The following MKLN1 variants were observed in gnomAD, a reference collection of about 807,000 sequenced individuals.
MKLN1 encodes muskelin.
MKLN1 carries 18 observed loss-of-function variants against 99.0 expected under a neutral mutation model. The observed-to-expected ratio is 0.18, with a 90% CI of 0.13 to 0.27. The LOEUF (loss-of-function observed/expected upper bound fraction) is 0.27, where lower values mean the gene tolerates loss of function less well. Among genes scored for constraint, MKLN1 ranks in the 10% least tolerant of loss-of-function variants. The pLI is 1.00. For synonymous variants in MKLN1, 288 were observed against 293.2 expected (o/e 0.98, Z 0.18); for missense variants, 621 against 875.9 (o/e 0.71, Z 3.67).
chr7:131,291,902 C>T (rs1434507986), intron 3 of MKLN1, among the ~76,000 whole-genome samples: 2 of 151,908 alleles, frequency 1.3e-5, no homozygotes, highest in South Asian at 2.1e-4. Flanking sequence ...ACCAGGAGTT[C>T]GAGACCAGTC....
At chr7:131,291,676 T>G (rs76355491) in intron 3 of MKLN1, among the ~76,000 whole-genome samples, 3,928 of 149,440 alleles carry the variant, frequency 0.026, 158 homozygotes, top group African/African-American at 0.091. Context: ...GGAATGATGA[T>G]GCGACTTTTC....
intron 6 of MKLN1, among the ~76,000 whole-genome samples, chr7:131,400,492 C>G (rs558908845): frequency 7.2e-6 from 1 of 138,646 alleles, no homozygotes; most frequent in East Asian, 2.0e-4. Flanking sequence ...TCTTAACAGA[C>G]TTTAAAATGC....
chr7:131,227,386 TTTC>T (rs1176105575), intron 3 of MKLN1, among the ~76,000 whole-genome samples: 2 of 151,694 alleles, frequency 1.3e-5, no homozygotes, highest in African/African-American at 2.4e-5. Context: ...CTTTCTTTTT[TTTC>T]TTTCTTTCTC....
At chr7:131,465,678 A>G (rs972557809) in intron 14 of MKLN1, among the ~76,000 whole-genome samples, 2 of 151,994 alleles carry the variant, frequency 1.3e-5, no homozygotes, top group Non-Finnish European at 2.9e-5. Flanking sequence ...AGCTGGGACT[A>G]CAGGCGCCCG....
chr7:131,146,479 T>A (rs535182399), intron 2 of MKLN1, among the ~76,000 whole-genome samples: 6 of 152,352 alleles, frequency 3.9e-5, no homozygotes, highest in Non-Finnish European at 8.8e-5. Context: ...GATGATTCTA[T>A]AGTACATAGA....
rs1797445787 is a variant in MKLN1, at chr7:131,492,337, T to G, written c.*4609T>G. On this transcript the variant is annotated 3_prime_UTR_variant, in exon 18 of 18. Coordinates refer to ENST00000352689, the MANE Select transcript of MKLN1 (RefSeq NM_013255.5). ...TTTAAACTTCTGAAATAGTTGAATA[T>G]TAGAAGTGGCTTCAGTTGCCATGAA... The G allele has an allele frequency of 6.6e-6, 1 of 152,254 alleles. No individual in the cohort carries two copies. 9.4% of individuals were successfully genotyped at this position (152,254 alleles called of 1,614,324 possible). A position where few individuals can be genotyped will look rare whatever the true frequency, so the allele number is the denominator to read the frequency against.
intron 1 of MKLN1, among the ~76,000 whole-genome samples, chr7:131,115,607 ACTC>A (rs1795263953): frequency 6.6e-6 from 1 of 151,320 alleles, no homozygotes; most frequent in African/African-American, 2.4e-5. Flanking sequence ...TAAAGTCCAG[ACTC>A]CTCCTCCATG....
intron 3 of MKLN1, among the ~76,000 whole-genome samples, chr7:131,248,912 T>C (rs1350795125): frequency 6.6e-6 from 1 of 152,226 alleles, no homozygotes; most frequent in Non-Finnish European, 1.5e-5. Flanking sequence ...CATTCAAGTC[T>C]TCCTTTGATT....
chr7:131,222,956 G>C (rs536365291), intron 3 of MKLN1, among the ~76,000 whole-genome samples: 8 of 152,148 alleles, frequency 5.3e-5, no homozygotes, highest in Admixed American at 5.2e-4. Context: ...GCATGAGAAT[G>C]GTTTGAACCC....
At chr7:131,319,049 T>C (rs1287834913) in intron 3 of MKLN1, among the ~76,000 whole-genome samples, 1 of 152,164 alleles carries the variant, frequency 6.6e-6, no homozygotes, top group Admixed American at 6.5e-5. Flanking sequence ...CTTCTGAAAC[T>C]ATTCCAAACA....
At chr7:131,174,398 G>A (rs1796263163) in intron 2 of MKLN1, among the ~76,000 whole-genome samples, 1 of 152,198 alleles carries the variant, frequency 6.6e-6, no homozygotes, top group Non-Finnish European at 1.5e-5. Flanking sequence ...CTTGCCTGGT[G>A]ATGGGAAAAC....
chr7:131,471,930 G>A (rs190653804), intron 16 of MKLN1: 2 of 152,248 alleles, frequency 1.3e-5, no homozygotes, highest in Non-Finnish European at 2.9e-5. Flanking sequence ...TCATAGTTTC[G>A]TACTATAAAA....
At chr7:131,373,207 T>C (rs1793523782) in intron 1 of MKLN1, among the ~76,000 whole-genome samples, 1 of 152,116 alleles carries the variant, frequency 6.6e-6, no homozygotes, top group Non-Finnish European at 1.5e-5. Flanking sequence ...GCTGTTATAA[T>C]TGTAAAATGT....
At chr7:131,220,286 C>T (rs1797041991) in intron 3 of MKLN1, among the ~76,000 whole-genome samples, 1 of 152,196 alleles carries the variant, frequency 6.6e-6, no homozygotes, top group Non-Finnish European at 1.5e-5. Flanking sequence ...CAACAGAATT[C>T]TCTTTCTCCC....
intron 10 of MKLN1, among the ~76,000 whole-genome samples, chr7:131,442,178 T>G (rs2077667481): frequency 6.6e-6 from 1 of 152,238 alleles, no homozygotes; most frequent in African/African-American, 2.4e-5. Flanking sequence ...AGGTAGATCT[T>G]TTTAGTGGTA....
chr7:131,399,653 A>G (rs1024633791), intron 6 of MKLN1, among the ~76,000 whole-genome samples: 2 of 152,126 alleles, frequency 1.3e-5, no homozygotes, highest in Admixed American at 6.5e-5. Context: ...GAACTCACAT[A>G]TAAATTTAAG....
intron 16 of MKLN1, among the ~76,000 whole-genome samples, chr7:131,477,394 A>G (rs969278886): frequency 6.6e-6 from 1 of 151,464 alleles, no homozygotes; most frequent in Non-Finnish European, 1.5e-5. Flanking sequence ...AAAAAAAAAA[A>G]AAAGTCAAAA....
At chr7:131,477,736 T>C (rs948445016) in intron 16 of MKLN1, among the ~76,000 whole-genome samples, 1 of 152,236 alleles carries the variant, frequency 6.6e-6, no homozygotes, top group Non-Finnish European at 1.5e-5. Flanking sequence ...TATGATTTAA[T>C]ATCTGAAATG....
intron 1 of MKLN1, among the ~76,000 whole-genome samples, chr7:131,341,434 CAT>C (rs564699756): frequency 6.6e-6 from 1 of 152,166 alleles, no homozygotes; most frequent in African/African-American, 2.4e-5. Flanking sequence ...TAAATGGAAT[CAT>C]ATAATTTATG....
Sources: gnomAD v4.1 joint callset for allele counts (sites outside exome capture counted in the v4.1 genomes callset) on GRCh38, gnomAD v4.1.1 for gene constraint, MANE v1.5 for transcripts, NCBI Gene and HGNC (gene_info 2026-07-23, HGNC 2026-07-21) for gene names.